C4orf50: variants seen among roughly 807,000 people sequenced by gnomAD.
C4orf50 encodes the protein chromosome 4 open reading frame 50.
C4orf50 carries 80 observed loss-of-function variants against 77.2 expected under a neutral mutation model. The observed-to-expected ratio is 1.04, with a 90% CI of 0.87 to 1.25. C4orf50 has a LOEUF of 1.25. C4orf50 is among the 50% of genes most tolerant of loss of function. The probability of loss-of-function intolerance (pLI) is 0.00; values close to 1 mark genes in which losing one functional copy is unlikely to be tolerated. For missense variants in C4orf50, 1,257 were observed against 1,152.9 expected, an observed-to-expected ratio of 1.09 and a Z score of -1.31; for synonymous variants, 532 against 465.3, an observed-to-expected ratio of 1.14 and a Z score of -1.84.
chr4:5,923,772 G>C (rs543815589), intron 7 of C4orf50, among the ~76,000 whole-genome samples: 3 of 152,324 alleles, frequency 2.0e-5, no homozygotes, highest in East Asian at 1.9e-4. Context: ...ACTTGATTGG[G>C]TTGAAGGATG....
intron 7 of C4orf50, among the ~76,000 whole-genome samples, chr4:5,940,534 C>G (rs144567612): frequency 2.3e-4 from 35 of 152,288 alleles, no homozygotes; most frequent in African/African-American, 7.7e-4. Context: ...TCTGTGGAAG[C>G]TGAAGTGCCT....
intron 25 of C4orf50, among the ~76,000 whole-genome samples, chr4:6,004,838 A>ATGGTGATGG (rs1722184370): frequency 6.7e-6 from 1 of 150,164 alleles, no homozygotes; most frequent in African/African-American, 2.5e-5. Flanking sequence ...TGATGATGTG[A>ATGGTGATGG]TGGTGATGGT....
intron 28 of C4orf50, among the ~76,000 whole-genome samples, chr4:5,987,758 A>G (rs556378030): frequency 7.2e-5 from 11 of 152,174 alleles, no homozygotes; most frequent in Non-Finnish European, 1.2e-4. Flanking sequence ...AATATCCTAC[A>G]CATGGTGAAG....
chr4:5,973,362 C>T lies in C4orf50; in HGVS notation c.4104+297G>A, dbSNP rs111760743. On this transcript the variant is annotated intron_variant, in intron 31 of 33. Coordinates refer to ENST00000531445, the Ensembl canonical transcript of C4orf50. ...CAGGTCCCGGCACAAAAGACCCATC[C>T]TGTGACACACACCCAATGAAGCTTG... Among the ~76,000 whole-genome samples the T allele has an allele frequency of 4.4e-3, 663 of 152,374 alleles. 3 individuals are homozygous for T. The highest frequency in any genetic ancestry group is 0.015 in the African/African-American group (627 of 41,596).
intron 28 of C4orf50, among the ~76,000 whole-genome samples, chr4:5,982,429 C>T (rs1004913632): frequency 1.3e-5 from 2 of 152,154 alleles, no homozygotes; most frequent in African/African-American, 2.4e-5. Context: ...CTGAGATGGG[C>T]GGTGGTGACG....
In C4orf50 at chr4:6,011,253, C is replaced by G. The variant is rs2108812244; in HGVS notation, c.426+577G>C. Among the ~76,000 whole-genome samples the G allele has an allele frequency of 6.6e-6, 1 of 152,302 alleles. No individual in the cohort carries two copies. Among genetic ancestry groups the G allele is most frequent in the Admixed American group, 6.5e-5 (1 of 15,304 alleles). On this transcript the variant is annotated intron_variant, in intron 24 of 33. Coordinates refer to ENST00000531445, the Ensembl canonical transcript of C4orf50. The surrounding 1 kb of genome is among the most constrained non-coding windows in gnomAD (Gnocchi z 4.2). ...TTGGGCCATGCAGCGGAGTTGGCCA[C>G]CTGGCCCCTCTGGAACTTTCCGACT...
rs980477847 is a variant in C4orf50 at position 5,916,362 on chromosome 4, C to G, written c.*2475-18174G>C. 6.6e-6 allele frequency among the ~76,000 whole-genome samples: 1 copy of G among 151,364 alleles called. No individual in the cohort carries two copies. Among genetic ancestry groups the G allele is most frequent in the African/African-American group, 2.5e-5 (1 of 40,668 alleles). On this transcript the variant is annotated intron_variant, in intron 7 of 7. Transcript: ENST00000324058. This position sits in a 1 kb window ranked among gnomAD's most constrained non-coding sequence, Gnocchi z 4.4. ...GGAGAGGGGTGGGGCTTAACCACGCCGAACAGACAGCCTTGGGTCCCTGCC... is the reference window on the plus strand; with the variant it reads ...GGAGAGGGGTGGGGCTTAACCACGCGGAACAGACAGCCTTGGGTCCCTGCC...
intron 7 of C4orf50, among the ~76,000 whole-genome samples, chr4:5,945,128 T>C (rs929309747): frequency 1.3e-5 from 2 of 152,268 alleles, no homozygotes; most frequent in East Asian, 3.9e-4. Context: ...GCTGAGGGTT[T>C]TGCGGCCCTT....
At chr4:5,964,827 C>G (rs1719477265) in intron 33 of C4orf50, among the ~76,000 whole-genome samples, 197 bp downstream of exon 11, 1 of 142,488 alleles carries the variant, frequency 7.0e-6, no homozygotes, top group African/African-American at 2.6e-5. Flanking sequence ...TGACCAGAAA[C>G]AAACATTAAA....
intron 7 of C4orf50, among the ~76,000 whole-genome samples, chr4:5,949,726 T>A (rs11938313): frequency 6.6e-6 from 1 of 152,026 alleles, no homozygotes; most frequent in Non-Finnish European, 1.5e-5. Context: ...GTGGCTCACG[T>A]CTGTAATCCC....
At chr4:5,995,529 C>G (rs1283944180) in intron 25 of C4orf50, among the ~76,000 whole-genome samples, 1 of 138,866 alleles carries the variant, frequency 7.2e-6, no homozygotes, top group Admixed American at 7.8e-5. Context: ...TCAGCTGTCA[C>G]CCACCACTCA....
chr4:5,926,503 A>G (rs1360228997), intron 7 of C4orf50, among the ~76,000 whole-genome samples: 7 of 152,206 alleles, frequency 4.6e-5, no homozygotes, highest in Non-Finnish European at 2.9e-5. Flanking sequence ...TAGGACGATG[A>G]AAACGTTCTG....
chr4:5,965,567 G>A (rs1409169810), intron 32 of C4orf50, among the ~76,000 whole-genome samples: 1 of 152,250 alleles, frequency 6.6e-6, no homozygotes, highest in Non-Finnish European at 1.5e-5. Context: ...GAAACGGGAT[G>A]AAGCTGAGCA....
chr4:6,004,733 AGTGATGATGGTGATGATG>A (rs1207700339), intron 25 of C4orf50, among the ~76,000 whole-genome samples: 2 of 91,070 alleles, frequency 2.2e-5, no homozygotes, highest in African/African-American at 4.3e-5. Context: ...TGGTGATGAT[AGTGATGATGGTGATGATG>A]GTGATGGTGA....
At chr4:5,909,655 A>G (rs1018334974) in intron 7 of C4orf50, among the ~76,000 whole-genome samples, 3 of 152,212 alleles carry the variant, frequency 2.0e-5, no homozygotes, top group African/African-American at 4.8e-5. Context: ...CTTACATTTA[A>G]GCCTTTCATC....
intron 7 of C4orf50, among the ~76,000 whole-genome samples, chr4:5,949,402 C>A (rs896327063): frequency 6.6e-6 from 1 of 152,194 alleles, no homozygotes; most frequent in Non-Finnish European, 1.5e-5. Flanking sequence ...ACGGATGAAC[C>A]TCAAAGACAC....
chr4:5,951,155 T>C (rs1718696142), intron 7 of C4orf50, among the ~76,000 whole-genome samples: 1 of 152,262 alleles, frequency 6.6e-6, no homozygotes, highest in Admixed American at 6.5e-5. Flanking sequence ...TCTGTCTCAC[T>C]GCTCCCAAAC....
At chr4:5,981,779 G>A (rs186022867) in intron 28 of C4orf50, among the ~76,000 whole-genome samples, 5 of 152,182 alleles carry the variant, frequency 3.3e-5, no homozygotes, top group East Asian at 1.9e-4. Flanking sequence ...TAAAAGTTCC[G>A]TTTGTGAAGA....
At chr4:5,943,692 C>T (rs573430581) in intron 7 of C4orf50, among the ~76,000 whole-genome samples, 107 of 152,324 alleles carry the variant, frequency 7.0e-4, no homozygotes, top group Middle Eastern at 3.4e-3. Context: ...TTGAGTGTCT[C>T]GGCTATGAAG....
Sources: allele counts gnomAD v4.1 joint callset (sites outside exome capture counted in the v4.1 genomes callset), GRCh38; gene constraint gnomAD v4.1.1; non-coding constraint Gnocchi (gnomAD v3.1); transcripts MANE v1.5; gene names NCBI Gene and HGNC (gene_info 2026-07-23, HGNC 2026-07-21).